Variants in ARHGAP10 observed in about 807,000 individuals in gnomAD.
ARHGAP10 encodes rho GTPase-activating protein 10.
In ARHGAP10, 87 loss-of-function variants were observed where a neutral mutation model predicts 108.6. That is an observed-to-expected ratio of 0.80 (90% CI 0.67 to 0.96). The LOEUF (loss-of-function observed/expected upper bound fraction) is 0.96, where lower values mean the gene tolerates loss of function less well. Ranked by LOEUF, ARHGAP10 falls within the 40% of genes least tolerant of loss-of-function variation. The probability of loss-of-function intolerance (pLI) is 0.00; values close to 1 mark genes in which losing one functional copy is unlikely to be tolerated. For synonymous variants in ARHGAP10, 347 were observed against 341.1 expected (o/e 1.02, Z -0.19); for missense variants, 939 against 954.5 (o/e 0.98, Z 0.21).
At position 147,765,652 on chromosome 4, in the gene ARHGAP10, T is replaced by C. The variant is rs376335765; in HGVS notation, c.154+33197T>C. Reference sequence around the variant, plus strand: ...CTGTCTTTACAAAAAATACAAAAATTAGCTGGGTGTGGTGGCACATGCCTG... The same window carrying C: ...CTGTCTTTACAAAAAATACAAAAATCAGCTGGGTGTGGTGGCACATGCCTG... On this transcript the variant is annotated intron_variant, in intron 1 of 22. Transcript: ENST00000336498. Among the ~76,000 whole-genome samples, 32 of 151,592 alleles carry C rather than the reference T, an allele frequency of 2.1e-4. 2 individuals carry two copies. Among genetic ancestry groups the C allele is most frequent in the East Asian group, 1.8e-3 (9 of 5,116 alleles).
At chr4:148,053,574 T>C (rs1172701267) in intron 20 of ARHGAP10, among the ~76,000 whole-genome samples, 3 of 152,140 alleles carry the variant, frequency 2.0e-5, no homozygotes, top group Non-Finnish European at 2.9e-5. Flanking sequence ...ATGAGTAATA[T>C]GATATTCGGT....
At chr4:148,071,889 C>T in intron 22 of ARHGAP10, 104 bp from the exon 23 acceptor site, 1 of 893,432 alleles carries the variant, frequency 1.1e-6, no homozygotes. Context: ...CAGAAGTGGC[C>T]CCTGTTCTCT....
chr4:147,791,031 A>G (rs1471203490), intron 1 of ARHGAP10, among the ~76,000 whole-genome samples: 1 of 151,766 alleles, frequency 6.6e-6, no homozygotes, highest in Non-Finnish European at 1.5e-5. Context: ...TACATATTAT[A>G]TATGTATGAG....
At chr4:147,798,806 T>C in intron 1 of ARHGAP10, among the ~76,000 whole-genome samples, 1 of 127,750 alleles carries the variant, frequency 7.8e-6, no homozygotes. Context: ...TATATATATA[T>C]ATATATATAT....
intron 20 of ARHGAP10, among the ~76,000 whole-genome samples, chr4:148,048,227 A>G (rs752136169): frequency 6.6e-6 from 1 of 152,216 alleles, no homozygotes; most frequent in Non-Finnish European, 1.5e-5. Flanking sequence ...GGGACTTTAA[A>G]TGGACTGGAA....
intron 1 of ARHGAP10, among the ~76,000 whole-genome samples, chr4:147,782,937 TTATA>T (rs1175592593): frequency 2.9e-5 from 4 of 138,122 alleles, no homozygotes; most frequent in Admixed American, 1.5e-4. Flanking sequence ...ATATATAAAA[TTATA>T]TATTATATAA....
rs1728249668 is a variant in ARHGAP10, at chr4:147,732,396, C to G, written c.95C>G (p.Thr32Ser). Residue 32 changes from threonine (T) to serine (S), a missense_variant, in exon 1 of 23, where the codon ACC becomes AGC. Transcript: ENST00000336498. ...GCTCACGAAGCGGAACTCGAGAGGACCAACAAGTTCATCAAAGAGCTCATT... is the reference window on the plus strand; with the variant it reads ...GCTCACGAAGCGGAACTCGAGAGGAGCAACAAGTTCATCAAAGAGCTCATT... ...IRAHEAELER[T>S]NKFIKELIKD... The G allele has an allele frequency of 2.5e-6, 4 of 1,613,392 alleles. No homozygotes were observed. Among genetic ancestry groups the G allele is most frequent in the Non-Finnish European group, 2.5e-6 (3 of 1,179,636 alleles).
intron 1 of ARHGAP10, among the ~76,000 whole-genome samples, chr4:147,746,164 C>T (rs1313351549): frequency 3.9e-5 from 6 of 152,014 alleles, no homozygotes; most frequent in East Asian, 3.9e-4. Flanking sequence ...AGTGCTGTGG[C>T]GTGATCTTGG....
chr4:147,816,534 A>G (rs1395865180), intron 1 of ARHGAP10, among the ~76,000 whole-genome samples: 2 of 152,240 alleles, frequency 1.3e-5, no homozygotes, highest in African/African-American at 4.8e-5. Flanking sequence ...AGTTAGGGCC[A>G]GGAATGCTTT....
intron 9 of ARHGAP10, 133 bp downstream of exon 9, chr4:147,879,471 G>T: frequency 2.6e-6 from 2 of 782,236 alleles, no homozygotes; most frequent in South Asian, 2.7e-5. Context: ...TAAAATCTTT[G>T]TTTTGTTTTT....
chr4:147,846,809 AG>A (rs1733653467), intron 3 of ARHGAP10, among the ~76,000 whole-genome samples: 1 of 152,214 alleles, frequency 6.6e-6, no homozygotes, highest in Non-Finnish European at 1.5e-5. Flanking sequence ...AGGAGGGGGA[AG>A]GAAAAAAACA....
chr4:147,803,062 G>T (rs1262440823), intron 1 of ARHGAP10, among the ~76,000 whole-genome samples: 1 of 152,010 alleles, frequency 6.6e-6, no homozygotes, highest in Non-Finnish European at 1.5e-5. Context: ...AGGCTGGAGG[G>T]CAGTGGTGTG....
rs1204773138 is a variant in ARHGAP10 at position 147,856,554 on chromosome 4, G to T, written c.385-999G>T. ...TCAGTGTACATAAGCTTTATTTCAT[G>T]TACAAAATTATTAAAAATATTGTAT... On this transcript the variant is annotated intron_variant, in intron 4 of 22. Transcript: ENST00000336498. 3.3e-5 allele frequency among the ~76,000 whole-genome samples: 5 copies of T among 152,218 alleles called. No individual in the cohort carries two copies. The East Asian group carries it at 9.6e-4, about 29-fold the overall frequency.
intron 1 of ARHGAP10, among the ~76,000 whole-genome samples, chr4:147,734,478 A>C (rs991660217): frequency 6.6e-6 from 1 of 152,220 alleles, no homozygotes; most frequent in Admixed American, 6.5e-5. Flanking sequence ...ATGTTCATTA[A>C]GAATTTATGT....
At chr4:147,952,414 A>G (rs1394086582) in intron 15 of ARHGAP10, among the ~76,000 whole-genome samples, 1 of 152,100 alleles carries the variant, frequency 6.6e-6, no homozygotes, top group East Asian at 1.9e-4. Flanking sequence ...ATTCTTGCCA[A>G]CTCTTAAGCT....
At chr4:147,798,781 C>CTCTCTATATA (rs1731452503) in intron 1 of ARHGAP10, among the ~76,000 whole-genome samples, 2 of 7,228 alleles carry the variant, frequency 2.8e-4, no homozygotes, top group African/African-American at 4.7e-4. Flanking sequence ...CTCTCTCTCT[C>CTCTCTATATA]TATATATATA....
intron 3 of ARHGAP10, among the ~76,000 whole-genome samples, chr4:147,827,502 T>A (rs2126792156): frequency 6.6e-6 from 1 of 152,096 alleles, no homozygotes; most frequent in South Asian, 2.1e-4. Flanking sequence ...ATGGAAGAAG[T>A]ATTGGAGCTA....
intron 14 of ARHGAP10, among the ~76,000 whole-genome samples, chr4:147,942,582 C>T (rs374585504): frequency 3.9e-5 from 6 of 152,096 alleles, no homozygotes; most frequent in East Asian, 3.9e-4. Context: ...TCCTTCTCTC[C>T]GTCCTCCTTC....
intron 20 of ARHGAP10, among the ~76,000 whole-genome samples, chr4:148,060,935 T>A (rs76246628): frequency 0.022 from 3,385 of 152,220 alleles, 111 homozygotes; most frequent in African/African-American, 0.077. Context: ...GATTCTGTGT[T>A]CCTGTTTTGG....
Sources: allele counts gnomAD v4.1 joint callset (sites outside exome capture counted in the v4.1 genomes callset), GRCh38; gene constraint gnomAD v4.1.1; transcripts MANE v1.5; gene names NCBI Gene and HGNC (gene_info 2026-07-23, HGNC 2026-07-21).